HIVEP3: variants seen among roughly 807,000 people sequenced by gnomAD.
HIVEP3 encodes the protein HIVEP zinc finger 3.
A neutral mutation model predicts 152.8 loss-of-function variants in HIVEP3; 49 were observed. The observed-to-expected ratio is 0.32, with a 90% CI of 0.26 to 0.41. The LOEUF (loss-of-function observed/expected upper bound fraction) is 0.41, where lower values mean the gene tolerates loss of function less well. HIVEP3 is among the 10% of genes least tolerant of loss of function. The pLI is 1.00. For synonymous variants in HIVEP3, 1,269 were observed against 1,289.0 expected (o/e 0.98, Z 0.33); for missense variants, 2,790 against 3,103.3 (o/e 0.90, Z 2.40).
At chr1:41,866,358 T>C (rs895346541) in intron 1 of HIVEP3, among the ~76,000 whole-genome samples, 4 of 152,206 alleles carry the variant, frequency 2.6e-5, no homozygotes, top group African/African-American at 9.7e-5. Flanking sequence ...AAGATTCTCT[T>C]CTCTCTAGCC....
intron 1 of HIVEP3, among the ~76,000 whole-genome samples, chr1:42,011,547 T>G (rs1431056497): frequency 6.6e-6 from 1 of 152,194 alleles, no homozygotes; most frequent in African/African-American, 2.4e-5. Flanking sequence ...ATCACCCTTC[T>G]TGTTAGGGTT....
chr1:41,851,431 T>C (rs1329956852), intron 1 of HIVEP3, among the ~76,000 whole-genome samples: 1 of 150,740 alleles, frequency 6.6e-6, no homozygotes, highest in Non-Finnish European at 1.5e-5. Context: ...GACTCCCAAG[T>C]AGCTGGGTCT....
chr1:41,621,260 G>A (rs1398018381), intron 3 of HIVEP3, among the ~76,000 whole-genome samples: 1 of 152,246 alleles, frequency 6.6e-6, no homozygotes, highest in Non-Finnish European at 1.5e-5. Flanking sequence ...ATGGGACAGA[G>A]CCCTGGAATC....
rs1044227705 is a variant in HIVEP3 at position 41,666,720 on chromosome 1, G to T, written c.-721+34196C>A. 1.3e-5 allele frequency among the ~76,000 whole-genome samples: 2 copies of T among 152,154 alleles called. 1 individual carries two copies. Among genetic ancestry groups the T allele is most frequent in the South Asian group, 4.2e-4 (2 of 4,814 alleles). On this transcript the variant is annotated intron_variant, in intron 2 of 8. Coordinates refer to ENST00000372583, the MANE Select transcript of HIVEP3 (RefSeq NM_024503.5). ...AACAAGTTCCAACAGCCTTCTCCCT[G>T]GCACCGTGCCCAGCTTACCCCTGCA...
rs199693557 is a variant in HIVEP3 at position 41,817,223 on chromosome 1, A to G, written c.-801+101190T>C. ...AAGCTGAGACCCACATCCAAGCCTT[A>G]GACCACATTTTTCGGCCATGAGAAA... On this transcript the variant is annotated intron_variant, in intron 1 of 8. Transcript: ENST00000372583. Among the ~76,000 whole-genome samples, 4 of 152,240 alleles carry G rather than the reference A, an allele frequency of 2.6e-5. No homozygotes were observed. In the East Asian group the frequency reaches 7.7e-4, roughly 29 times the overall value.
At chr1:41,607,392 T>C (rs1437351815) in intron 3 of HIVEP3, among the ~76,000 whole-genome samples, 2 of 152,226 alleles carry the variant, frequency 1.3e-5, no homozygotes, top group Non-Finnish European at 2.9e-5. Context: ...GTTTTTTCCA[T>C]AATGATATTT....
intron 1 of HIVEP3, among the ~76,000 whole-genome samples, chr1:41,907,028 T>G (rs1417035063): frequency 1.3e-5 from 2 of 152,092 alleles, no homozygotes; most frequent in Non-Finnish European, 2.9e-5. Context: ...GGGGCAGATG[T>G]TCTGCAAAAC....
At chr1:41,669,664 G>A (rs1645845564) in intron 2 of HIVEP3, among the ~76,000 whole-genome samples, 1 of 152,094 alleles carries the variant, frequency 6.6e-6, no homozygotes, top group Non-Finnish European at 1.5e-5. Flanking sequence ...CTCTTCTTGG[G>A]TCTCAAGCCT....
intron 1 of HIVEP3, among the ~76,000 whole-genome samples, chr1:41,745,561 C>T (rs913712876): frequency 1.1e-4 from 16 of 152,332 alleles, no homozygotes; most frequent in Non-Finnish European, 2.1e-4. Context: ...CATCCACAGT[C>T]GAGAGCACAG....
At chr1:41,555,996 T>C (rs990693834) in intron 5 of HIVEP3, among the ~76,000 whole-genome samples, 13 of 152,236 alleles carry the variant, frequency 8.5e-5, no homozygotes, top group African/African-American at 2.7e-4. Flanking sequence ...TGGTATTTCA[T>C]TGCATGACTA....
At chr1:41,976,139 GAA>G (rs1645257889) in intron 1 of HIVEP3, among the ~76,000 whole-genome samples, 1 of 152,218 alleles carries the variant, frequency 6.6e-6, no homozygotes, top group South Asian at 2.1e-4. Context: ...CAATGGAAAA[GAA>G]AAGAGAGGAT....
chr1:41,526,891 A>C (rs2149055226), intron 5 of HIVEP3, among the ~76,000 whole-genome samples: 1 of 125,504 alleles, frequency 8.0e-6, no homozygotes, highest in East Asian at 2.5e-4. Context: ...GCTCACTCTC[A>C]CACTAAAACA....
chr1:41,526,610 C>A, intron 5 of HIVEP3, among the ~76,000 whole-genome samples: 1 of 49,448 alleles, frequency 2.0e-5, no homozygotes, highest in Admixed American at 2.2e-4. Flanking sequence ...CACCTGCTCC[C>A]ACCCCCACCT....
At chr1:41,685,248 C>T (rs149802632) in intron 2 of HIVEP3, among the ~76,000 whole-genome samples, 23 of 152,284 alleles carry the variant, frequency 1.5e-4, no homozygotes, top group African/African-American at 4.6e-4. Context: ...GGGACTGTTG[C>T]GAGTGCAGCC....
At chr1:41,660,951 C>A (rs987518833) in intron 2 of HIVEP3, among the ~76,000 whole-genome samples, 1 of 152,144 alleles carries the variant, frequency 6.6e-6, no homozygotes, top group African/African-American at 2.4e-5. Flanking sequence ...TTATTAATGA[C>A]CCCTTTTTTG....
intron 2 of HIVEP3, among the ~76,000 whole-genome samples, chr1:41,647,224 CCT>C (rs1251329017): frequency 2.0e-5 from 3 of 152,210 alleles, no homozygotes; most frequent in Non-Finnish European, 4.4e-5. Context: ...GATGCACACA[CCT>C]TTGAGTGGGG....
At chr1:41,998,457 C>G (rs1395796308) in intron 1 of HIVEP3, among the ~76,000 whole-genome samples, 1 of 152,122 alleles carries the variant, frequency 6.6e-6, no homozygotes, top group Non-Finnish European at 1.5e-5. Flanking sequence ...TGATGTCATA[C>G]TTTTTGCTAA....
intron 1 of HIVEP3, among the ~76,000 whole-genome samples, chr1:41,704,662 G>A (rs1646408633): frequency 6.6e-6 from 1 of 152,232 alleles, no homozygotes; most frequent in African/African-American, 2.4e-5. Flanking sequence ...TCTGCAGTGG[G>A]CACTTGAATC....
intron 1 of HIVEP3, among the ~76,000 whole-genome samples, chr1:41,800,908 G>A (rs779257978): frequency 8.5e-5 from 13 of 152,154 alleles, no homozygotes; most frequent in Non-Finnish European, 1.3e-4. Context: ...GAAGGAATTC[G>A]TTACCTGCCT....
Sources: allele counts gnomAD v4.1 joint callset (sites outside exome capture counted in the v4.1 genomes callset), GRCh38; gene constraint gnomAD v4.1.1; transcripts MANE v1.5; gene names NCBI Gene and HGNC (gene_info 2026-07-23, HGNC 2026-07-21).